TPTE: variants seen among roughly 807,000 people sequenced by gnomAD.
TPTE encodes the protein transmembrane phosphatase with tensin homology.
In TPTE, 59 loss-of-function variants were observed where a neutral mutation model predicts 84.1. The observed-to-expected ratio is 0.70, with a 90% CI of 0.57 to 0.87. The LOEUF (loss-of-function observed/expected upper bound fraction) is 0.87. TPTE is among the 40% of genes least tolerant of loss of function. The probability of loss-of-function intolerance (pLI) is 0.00; values close to 1 mark genes in which losing one functional copy is unlikely to be tolerated. For synonymous variants in TPTE, 130 were observed against 223.5 expected (o/e 0.58, Z 3.73); for missense variants, 382 against 659.6 (o/e 0.58, Z 4.61).
intron 8 of TPTE, among the ~76,000 whole-genome samples, chr21:10,557,428 T>G (rs2074705843): frequency 6.6e-6 from 1 of 152,312 alleles, no homozygotes; most frequent in African/African-American, 2.4e-5. Context: ...CCAAGCCACT[T>G]CTTCATGCCT....
chr21:10,587,550 C>CTTTTTTTTTTTT, intron 17 of TPTE, among the ~76,000 whole-genome samples: 1 of 143,280 alleles, frequency 7.0e-6, no homozygotes. Context: ...GAAATGATTT[C>CTTTTTTTTTTTT]TTTTTTTTTT....
At chr21:10,594,393 C>G (rs1172159232) in intron 19 of TPTE, among the ~76,000 whole-genome samples, 1 of 152,308 alleles carries the variant, frequency 6.6e-6, no homozygotes, top group African/African-American at 2.4e-5. Flanking sequence ...TTCTGTATCC[C>G]CTTTAAAGGC....
chr21:10,563,017 G>T (rs2074840050), intron 10 of TPTE, among the ~76,000 whole-genome samples: 1 of 152,300 alleles, frequency 6.6e-6, no homozygotes, highest in Non-Finnish European at 1.5e-5. Context: ...CAAGAGAAAA[G>T]AAACCAATAA....
intron 8 of TPTE, among the ~76,000 whole-genome samples, chr21:10,557,341 A>G (rs1377052840): frequency 5.3e-5 from 8 of 152,298 alleles, no homozygotes; most frequent in Admixed American, 2.0e-4. Flanking sequence ...TCTTTTTTTA[A>G]GCAAAAAAGT....
intron 14 of TPTE, among the ~76,000 whole-genome samples, chr21:10,576,836 TAC>T (rs1316479624): frequency 2.2e-4 from 31 of 139,842 alleles, no homozygotes; most frequent in Non-Finnish European, 2.8e-4. Flanking sequence ...TATACATATA[TAC>T]ATATATATAT....
At chr21:10,539,852 A>G (rs1382045181) in intron 4 of TPTE, among the ~76,000 whole-genome samples, 2 of 152,308 alleles carry the variant, frequency 1.3e-5, no homozygotes, top group Non-Finnish European at 2.9e-5. Flanking sequence ...TCTACTAAAA[A>G]TACAAAATTA....
At chr21:10,532,925 T>C (rs1169033719) in intron 3 of TPTE, among the ~76,000 whole-genome samples, 4 of 152,300 alleles carry the variant, frequency 2.6e-5, no homozygotes, top group South Asian at 2.1e-4. Context: ...CATAGGTCTT[T>C]TGCTGTTTCT....
At chr21:10,579,338 A>G (rs1396841849) in intron 17 of TPTE, among the ~76,000 whole-genome samples, 2 of 152,310 alleles carry the variant, frequency 1.3e-5, no homozygotes, top group Non-Finnish European at 2.9e-5. Context: ...AAATTACAAA[A>G]CATTAGCCAG....
intron 3 of TPTE, among the ~76,000 whole-genome samples, chr21:10,534,752 G>A (rs1346557685): frequency 3.9e-5 from 6 of 152,306 alleles, no homozygotes; most frequent in Admixed American, 2.6e-4. Flanking sequence ...AGTACTGGTA[G>A]TTTCAGCTTC....
intron 7 of TPTE, among the ~76,000 whole-genome samples, chr21:10,547,538 C>G (rs972545333): frequency 1.3e-5 from 2 of 152,300 alleles, no homozygotes; most frequent in African/African-American, 4.8e-5. Context: ...GGAGTATTGC[C>G]AAGAATTGAC....
At chr21:10,564,076 C>A (rs1392403315) in intron 10 of TPTE, among the ~76,000 whole-genome samples, 1 of 152,302 alleles carries the variant, frequency 6.6e-6, no homozygotes, top group Non-Finnish European at 1.5e-5. Context: ...ATCACTTGAA[C>A]CCGGGAGGCA....
At chr21:10,598,990 A>C (rs2145797476) in intron 21 of TPTE, among the ~76,000 whole-genome samples, 1 of 152,428 alleles carries the variant, frequency 6.6e-6, no homozygotes, top group East Asian at 1.9e-4. Flanking sequence ...TTCAACTATT[A>C]TTTGTTCATT....
intron 21 of TPTE, among the ~76,000 whole-genome samples, chr21:10,598,863 T>C (rs1371637708): frequency 2.0e-5 from 3 of 152,308 alleles, no homozygotes; most frequent in East Asian, 3.8e-4. Context: ...ATGCCCTCCC[T>C]ACTCTGCGCC....
intron 14 of TPTE, among the ~76,000 whole-genome samples, chr21:10,576,121 C>A (rs1444601751): frequency 2.0e-5 from 3 of 152,306 alleles, no homozygotes; most frequent in African/African-American, 7.2e-5. Context: ...AAAATACATG[C>A]ATGCACACAT....
chr21:10,541,980 A>G (rs2074378002), intron 5 of TPTE, among the ~76,000 whole-genome samples: 1 of 152,304 alleles, frequency 6.6e-6, no homozygotes, highest in Non-Finnish European at 1.5e-5. Flanking sequence ...TAGTTACCTG[A>G]CCCTTTTTGT....
chr21:10,568,925 A>C (rs2074982110), intron 11 of TPTE, among the ~76,000 whole-genome samples: 1 of 152,426 alleles, frequency 6.6e-6, no homozygotes, highest in Admixed American at 6.5e-5. Flanking sequence ...GAAGTATCTC[A>C]ATCTGTTGCC....
intron 22 of TPTE, among the ~76,000 whole-genome samples, chr21:10,603,089 C>A (rs113555632): frequency 1.1e-3 from 163 of 151,876 alleles, no homozygotes; most frequent in African/African-American, 3.8e-3. Flanking sequence ...ATATCAGGAT[C>A]AGTCACATGG....
intron 8 of TPTE, among the ~76,000 whole-genome samples, chr21:10,558,380 G>A (rs1289940901): frequency 6.6e-6 from 1 of 152,300 alleles, no homozygotes; most frequent in Non-Finnish European, 1.5e-5. Flanking sequence ...CAATGTATAT[G>A]TGTTCCCTTT....
intron 18 of TPTE, among the ~76,000 whole-genome samples, chr21:10,591,318 A>C (rs1233437278): frequency 6.6e-6 from 1 of 152,308 alleles, no homozygotes; most frequent in Non-Finnish European, 1.5e-5. Flanking sequence ...TCTAGGGAAG[A>C]GGTGGTGGTT....
Sources: allele counts gnomAD v4.1 joint callset (sites outside exome capture counted in the v4.1 genomes callset), GRCh38; gene constraint gnomAD v4.1.1; transcripts MANE v1.5; gene names NCBI Gene and HGNC (gene_info 2026-07-23, HGNC 2026-07-21).